The following FLI1 variants were observed in gnomAD, a reference collection of about 807,000 sequenced individuals.
FLI1 encodes Fli-1 proto-oncogene, ETS transcription factor, also known as Friend leukemia integration 1 transcription factor.
A neutral mutation model predicts 53.1 loss-of-function variants in FLI1; 13 were observed. The ratio of observed to expected loss-of-function variants is 0.24; its 90% CI spans 0.16 to 0.39. The LOEUF is 0.39. FLI1 is among the 10% of genes least tolerant of loss of function. The pLI is 1.00. For missense variants in FLI1, 424 were observed against 600.5 expected, an observed-to-expected ratio of 0.71 and a Z score of 3.07; for synonymous variants, 244 against 236.7, an observed-to-expected ratio of 1.03 and a Z score of -0.28.
intron 5 of FLI1, among the ~76,000 whole-genome samples, chr11:128,795,513 G>T (rs1942408101): frequency 6.6e-6 from 1 of 151,544 alleles, no homozygotes; most frequent in Non-Finnish European, 1.5e-5. Flanking sequence ...CTCTGAAAAA[G>T]AGTATCAGCT....
At chr11:128,776,196 G>A (rs1941721091) in intron 4 of FLI1, among the ~76,000 whole-genome samples, 1 of 152,180 alleles carries the variant, frequency 6.6e-6, no homozygotes, top group African/African-American at 2.4e-5. Flanking sequence ...CTGATGGCCA[G>A]GCATGCTAGG....
chr11:128,759,201 A>T (rs1054304192), intron 2 of FLI1, among the ~76,000 whole-genome samples: 4 of 152,238 alleles, frequency 2.6e-5, no homozygotes, highest in African/African-American at 9.6e-5. Context: ...AAAATATCAG[A>T]TAATCTACTG....
At chr11:128,753,537 AT>A (rs2135799980) in intron 1 of FLI1, among the ~76,000 whole-genome samples, 1 of 152,330 alleles carries the variant, frequency 6.6e-6, no homozygotes, top group East Asian at 1.9e-4. Flanking sequence ...CTTATTGATG[AT>A]TTATCCGTGG....
intron 2 of FLI1, among the ~76,000 whole-genome samples, chr11:128,766,701 C>G (rs1941352940): frequency 6.6e-6 from 1 of 151,834 alleles, no homozygotes. Flanking sequence ...GGGTGGGTCC[C>G]TATCTGGTAC....
At chr11:128,747,476 A>G (rs1940447516) in intron 1 of FLI1, among the ~76,000 whole-genome samples, 1 of 152,030 alleles carries the variant, frequency 6.6e-6, no homozygotes, top group South Asian at 2.1e-4. Flanking sequence ...CATTTTTATC[A>G]TCCCACCTTT....
chr11:128,697,243 T>G (rs538682365), intron 1 of FLI1, among the ~76,000 whole-genome samples: 1 of 152,290 alleles, frequency 6.6e-6, no homozygotes, highest in South Asian at 2.1e-4. Context: ...TTGAATCCAG[T>G]TAATTTTATC....
At chr11:128,806,080 G>A (rs1297289573) in intron 6 of FLI1, 1 of 152,014 alleles carries the variant, frequency 6.6e-6, no homozygotes, top group Non-Finnish European at 1.5e-5. Context: ...TGCCTAGGAA[G>A]CAAAATATGA....
At position 128,757,044 on chromosome 11, in the gene FLI1, T is replaced by TTTTTTC. The variant is rs1555116903; in HGVS notation, c.19-1068_19-1067insTTCTTT. On this transcript the variant is annotated intron_variant, in intron 1 of 8. Coordinates refer to ENST00000527786, the MANE Select transcript of FLI1 (RefSeq NM_002017.5). ...CACATGCCACCATATCTAGCTAATT[T>TTTTTTC]TTTCTTTCTTTCTTTCTTTCTTTCT... Among the ~76,000 whole-genome samples, 3 of 107,114 alleles carry TTTTTTC rather than the reference T, an allele frequency of 2.8e-5. No individual in the cohort carries two copies. In the East Asian group the frequency reaches 9.4e-4, roughly 34 times the overall value. The allele number at this position is 107,114 out of a possible 152,430, so 70.3% of individuals were successfully genotyped here.
chr11:128,749,308 C>G (rs1255800616), intron 1 of FLI1, among the ~76,000 whole-genome samples: 1 of 152,212 alleles, frequency 6.6e-6, no homozygotes, highest in Non-Finnish European at 1.5e-5. Context: ...AACCTAGTGG[C>G]ATAAACCAAT....
At chr11:128,741,751 G>A (rs1028457692) in intron 1 of FLI1, among the ~76,000 whole-genome samples, 3 of 152,176 alleles carry the variant, frequency 2.0e-5, no homozygotes, top group African/African-American at 7.2e-5. Flanking sequence ...CTCAGTTCAC[G>A]GCTTTCCTGT....
intron 4 of FLI1, among the ~76,000 whole-genome samples, chr11:128,780,845 G>A (rs1365841281): frequency 1.3e-5 from 2 of 152,118 alleles, no homozygotes; most frequent in East Asian, 1.9e-4. Flanking sequence ...TCTTAGCCTC[G>A]AATACATGTG....
chr11:128,688,634 C>T (rs1306437054), intron 1 of FLI1, among the ~76,000 whole-genome samples: 1 of 152,146 alleles, frequency 6.6e-6, no homozygotes, highest in East Asian at 1.9e-4. Context: ...CCGGCTCCAC[C>T]GGGGTCACGA....
intron 5 of FLI1, among the ~76,000 whole-genome samples, chr11:128,796,508 G>C (rs1313656275): frequency 1.3e-5 from 2 of 152,214 alleles, no homozygotes; most frequent in Non-Finnish European, 2.9e-5. Context: ...AATGTCTGAG[G>C]TCCTTCCAGT....
intron 1 of FLI1, among the ~76,000 whole-genome samples, chr11:128,715,414 A>G (rs1414128536): frequency 6.6e-6 from 1 of 152,228 alleles, no homozygotes; most frequent in East Asian, 1.9e-4. Flanking sequence ...ATAGAAATGA[A>G]TTGCATTAAA....
At chr11:128,734,981 G>C (rs1939857977) in intron 1 of FLI1, among the ~76,000 whole-genome samples, 1 of 152,170 alleles carries the variant, frequency 6.6e-6, no homozygotes, top group Admixed American at 6.5e-5. Context: ...CGTGGAAAGG[G>C]CCCCACGGAA....
At chr11:128,703,800 A>G (rs1938435670) in intron 1 of FLI1, among the ~76,000 whole-genome samples, 1 of 148,712 alleles carries the variant, frequency 6.7e-6, no homozygotes, top group East Asian at 2.0e-4. Flanking sequence ...CCGAGGTTGC[A>G]ACACTACACT....
intron 1 of FLI1, among the ~76,000 whole-genome samples, chr11:128,703,493 A>C (rs148313060): frequency 7.9e-5 from 12 of 152,352 alleles, no homozygotes; most frequent in Admixed American, 2.6e-4. Context: ...CAATTGTCGT[A>C]TACACTGATT....
At chr11:128,756,360 C>G (rs773888223) in intron 1 of FLI1, among the ~76,000 whole-genome samples, 1 of 152,138 alleles carries the variant, frequency 6.6e-6, no homozygotes, top group Non-Finnish European at 1.5e-5. Context: ...TGGGGGCTCT[C>G]TGTGTGTCCA....
At chr11:128,800,445 G>T in intron 5 of FLI1, among the ~76,000 whole-genome samples, 1 of 152,260 alleles carries the variant, frequency 6.6e-6, no homozygotes, top group Admixed American at 6.5e-5. Flanking sequence ...GCTGCATGCC[G>T]GCAGGGACGT....
Sources: gnomAD v4.1 joint callset for allele counts (sites outside exome capture counted in the v4.1 genomes callset) on GRCh38, gnomAD v4.1.1 for gene constraint, MANE v1.5 for transcripts, NCBI Gene and HGNC (gene_info 2026-07-23, HGNC 2026-07-21) for gene names.